The following ATE1 variants were observed in gnomAD, a reference collection of about 807,000 sequenced individuals.
ATE1 encodes the protein arginyltransferase 1.
A neutral mutation model predicts 70.5 loss-of-function variants in ATE1; 36 were observed. That is an observed-to-expected ratio of 0.51 (90% CI 0.39 to 0.67). ATE1 has a LOEUF of 0.67. Ranked by LOEUF, ATE1 falls within the 30% of genes least tolerant of loss-of-function variation. The pLI, the probability that ATE1 is intolerant of heterozygous loss-of-function variation, is 0.00. For synonymous variants in ATE1, 232 were observed against 219.3 expected, an observed-to-expected ratio of 1.06 and a Z score of -0.51; for missense variants, 593 against 629.5, an observed-to-expected ratio of 0.94 and a Z score of 0.62.
At chr10:121,819,674 T>TCA (rs142321565) in intron 10 of ATE1, among the ~76,000 whole-genome samples, 2 of 41,080 alleles carry the variant, frequency 4.9e-5, no homozygotes, top group Non-Finnish European at 3.8e-5. Context: ...AGAGCAAGAC[T>TCA]GTCTCAAAAA....
At chr10:121,769,152 T>C (rs1211563880) in intron 11 of ATE1, among the ~76,000 whole-genome samples, 1 of 152,148 alleles carries the variant, frequency 6.6e-6, no homozygotes, top group African/African-American at 2.4e-5. Context: ...CTTTTAAAAA[T>C]ATAGATACAG....
intron 11 of ATE1, among the ~76,000 whole-genome samples, chr10:121,789,462 C>T (rs2133263515): frequency 6.6e-6 from 1 of 152,106 alleles, no homozygotes; most frequent in African/African-American, 2.4e-5. Flanking sequence ...TCATGCCCAG[C>T]CAGTTTTTGT....
intron 8 of ATE1, among the ~76,000 whole-genome samples, chr10:121,852,086 C>T (rs867586029): frequency 6.6e-6 from 1 of 152,222 alleles, no homozygotes; most frequent in Non-Finnish European, 1.5e-5. Flanking sequence ...CTCAAAAGAA[C>T]AGGAGACTGG....
At chr10:121,904,969 A>G (rs1951134685) in intron 5 of ATE1, among the ~76,000 whole-genome samples, 1 of 152,232 alleles carries the variant, frequency 6.6e-6, no homozygotes, top group African/African-American at 2.4e-5. Context: ...GACCATTTCT[A>G]TAACTATTAC....
intron 10 of ATE1, among the ~76,000 whole-genome samples, chr10:121,796,623 C>T (rs10736304): frequency 0.94 from 143,744 of 152,254 alleles, 68,087 homozygotes; most frequent in Non-Finnish European, 0.98. Flanking sequence ...ACTTAGACTA[C>T]TTGTAAGACT....
chr10:121,816,579 T>C (rs999090528), intron 10 of ATE1, among the ~76,000 whole-genome samples: 6 of 152,132 alleles, frequency 3.9e-5, no homozygotes, highest in Non-Finnish European at 8.8e-5. Context: ...TCCTGTCCCT[T>C]CCACCACATG....
At chr10:121,867,086 C>A (rs1949690667) in intron 8 of ATE1, among the ~76,000 whole-genome samples, 1 of 152,156 alleles carries the variant, frequency 6.6e-6, no homozygotes, top group Admixed American at 6.5e-5. Flanking sequence ...TGAAAGACTG[C>A]TACTCTCAGT....
At chr10:121,760,659 C>T (rs1250436163) in intron 11 of ATE1, among the ~76,000 whole-genome samples, 3 of 152,152 alleles carry the variant, frequency 2.0e-5, no homozygotes, top group Admixed American at 6.5e-5. Flanking sequence ...GGTGAAGATG[C>T]TGCAAATATG....
chr10:121,800,140 T>C (rs567785675), intron 10 of ATE1, among the ~76,000 whole-genome samples: 1 of 152,348 alleles, frequency 6.6e-6, no homozygotes, highest in South Asian at 2.1e-4. Flanking sequence ...GGTTTACTAA[T>C]GTGACATGTA....
In ATE1 at chr10:121,743,672, T is replaced by C. The variant is rs10886973; in HGVS notation, c.*8A>G. The C allele has an allele frequency of 0.15, 239,019 of 1,597,688 alleles. 24,133 individuals are homozygous for C. Among genetic ancestry groups the C allele is most frequent in the African/African-American group, 0.45 (33,139 of 74,264 alleles). ...CAACACAGGAACTTCCCGGCAGAGG[T>C]GAACAGGTCAGTTTCTGAACAGCAG... On this transcript the variant is annotated 3_prime_UTR_variant, in exon 12 of 12. Coordinates refer to ENST00000224652, the MANE Select transcript of ATE1 (RefSeq NM_001001976.3).
At chr10:121,840,511 T>C (rs1213326153) in intron 9 of ATE1, among the ~76,000 whole-genome samples, 9 of 152,036 alleles carry the variant, frequency 5.9e-5, no homozygotes, top group Non-Finnish European at 8.8e-5. Context: ...ATGACAAGAA[T>C]ATAAGTCATA....
In ATE1 at chr10:121,910,940, T is replaced by C; in HGVS notation, c.549A>G (p.Ser183=). 1.2e-6 allele frequency: 2 copies of C among 1,613,850 alleles called. No individual in the cohort carries two copies. Among genetic ancestry groups the C allele is most frequent in the South Asian group, 2.2e-5 (2 of 90,928 alleles). ...GAACTGTGTGAACTTTAACTGAATG[T>C]GACGGTTCACCAGAGCCCAACTTCT... ...VGEKLGSGEP[S]HSVKVHTVPK... Residue 183 remains serine (S), a synonymous_variant, in exon 5 of 12, where the codon TCA becomes TCG. Transcript: ENST00000224652.
At chr10:121,804,444 T>A (rs1040072880) in intron 10 of ATE1, among the ~76,000 whole-genome samples, 11 of 152,188 alleles carry the variant, frequency 7.2e-5, no homozygotes, top group Non-Finnish European at 1.5e-4. Flanking sequence ...GTTTACCACA[T>A]CAGAACTCTC....
intron 7 of ATE1, among the ~76,000 whole-genome samples, chr10:121,876,341 C>T (rs1950047234): frequency 6.6e-6 from 1 of 152,328 alleles, no homozygotes; most frequent in Non-Finnish European, 1.5e-5. Flanking sequence ...AGCTACTTCA[C>T]TAAATATCTT....
intron 11 of ATE1, among the ~76,000 whole-genome samples, chr10:121,783,323 T>C (rs1946073578): frequency 6.6e-6 from 1 of 152,176 alleles, no homozygotes; most frequent in Non-Finnish European, 1.5e-5. Flanking sequence ...TCCATCTATA[T>C]TATGTTTAAT....
upstream of ATE1, chr10:121,928,448 C>G: frequency 2.6e-6 from 4 of 1,514,794 alleles, 1 homozygote; most frequent in Middle Eastern, 4.0e-4. Context: ...CGCGAGGGTC[C>G]GCTCGGGCCG....
At chr10:121,915,577 A>G (rs1035250119) in intron 3 of ATE1, among the ~76,000 whole-genome samples, 5 of 152,180 alleles carry the variant, frequency 3.3e-5, no homozygotes, top group Non-Finnish European at 7.3e-5. Flanking sequence ...TATGAAATGT[A>G]GAACAGAGGA....
chr10:121,894,137 C>CA (rs35919973), intron 7 of ATE1, among the ~76,000 whole-genome samples: 1,785 of 59,780 alleles, frequency 0.03, 46 homozygotes, highest in African/African-American at 0.11. Context: ...AACTCCATCT[C>CA]AAAAAAAAAA....
chr10:121,821,108 A>C (rs1251295140), intron 10 of ATE1, among the ~76,000 whole-genome samples: 1 of 152,024 alleles, frequency 6.6e-6, no homozygotes, highest in East Asian at 1.9e-4. Flanking sequence ...CGCCTGGCTA[A>C]TTTCTTTTTG....
Sources: gnomAD v4.1 joint callset for allele counts (sites outside exome capture counted in the v4.1 genomes callset) on GRCh38, gnomAD v4.1.1 for gene constraint, MANE v1.5 for transcripts, NCBI Gene and HGNC (gene_info 2026-07-23, HGNC 2026-07-21) for gene names.